EPHA2: variants seen among roughly 807,000 people sequenced by gnomAD.
EPHA2 encodes ephrin type-A receptor 2.
A neutral mutation model predicts 104.9 loss-of-function variants in EPHA2; 54 were observed. The ratio of observed to expected loss-of-function variants is 0.51; its 90% confidence interval spans 0.41 to 0.65. The LOEUF (loss-of-function observed/expected upper bound fraction) is 0.65. Among genes scored for constraint, EPHA2 ranks in the 30% least tolerant of loss-of-function variants. The probability of loss-of-function intolerance (pLI) is 0.00; values close to 1 mark genes in which losing one functional copy is unlikely to be tolerated. For missense variants in EPHA2, 1,117 were observed against 1,369.5 expected, an observed-to-expected ratio of 0.82 and a Z score of 2.91; for synonymous variants, 560 against 559.1, an observed-to-expected ratio of 1.00 and a Z score of -0.02.
rs770831664 is a variant in EPHA2, at chr1:16,132,135, C to T, written c.2254G>A (p.Val752Ile). Residue 752 changes from valine to isoleucine, a missense_variant, in exon 13 of 17, where the codon GTC becomes ATC. Physicochemically the swap from Val to Ile is conservative, Grantham distance 29. Around this residue, in one of 3 missense-constraint regions of EPHA2, gnomAD observed 340 missense variants for 480.5 expected, o/e 0.71. Coordinates refer to ENST00000358432, the MANE Select transcript of EPHA2 (RefSeq NM_004431.5). ...AGGCCAAAGTCAGACACCTTGCAGA[C>T]CAGGTTGCTGTTGACGAGGATGTTG... ...ARNILVNSNL[V>I]CKVSDFGLSR... 1.9e-6 allele frequency: 3 copies of T among 1,614,248 alleles called. No homozygotes were observed. The highest frequency in any genetic ancestry group is 1.1e-5 in the South Asian group (1 of 91,090).
At position 16,151,067 on chromosome 1, in the gene EPHA2, A is replaced by G. The variant is rs2025026082; in HGVS notation, c.86-104T>C. On this transcript the variant is annotated intron_variant, in intron 1 of 16. Coordinates refer to ENST00000358432, the MANE Select transcript of EPHA2 (RefSeq NM_004431.5). ...TCCAGGAACCCCAACTCTCAGACAG[A>G]GCGAGAGGGACCCCACCACACAGGG... The G allele has an allele frequency of 4.5e-6, 5 of 1,102,862 alleles. No individual in the cohort carries two copies. The South Asian group carries it at 5.1e-5, about 11-fold the overall frequency. 68.3% of individuals were successfully genotyped at this position (1,102,862 alleles called of 1,614,324 possible).
rs2025014814 is a variant in EPHA2, at chr1:16,150,561, C to T, written c.153+335G>A. 6.6e-6 allele frequency among the ~76,000 whole-genome samples: 1 copy of T among 152,224 alleles called. No homozygotes were observed. The highest frequency in any genetic ancestry group is 2.4e-5 in the African/African-American group (1 of 41,456). Reference sequence around the variant, plus strand: ...GGGGGCATCTTTAACCCCTTCCCTCCCAAGAGGTGGATGGGTGGTGCCAGA... The same window carrying T: ...GGGGGCATCTTTAACCCCTTCCCTCTCAAGAGGTGGATGGGTGGTGCCAGA... On this transcript the variant is annotated intron_variant, in intron 2 of 16. Transcript: ENST00000358432. The surrounding 1 kb of genome is among the most constrained non-coding windows in gnomAD (Gnocchi z 4.8).
Position 16,128,430 on chromosome 1 carries a change from C to G in EPHA2, c.2825+1004G>C, listed in dbSNP as rs989610554. Among the ~76,000 whole-genome samples, 11 of 152,184 alleles carry G rather than the reference C, an allele frequency of 7.2e-5. No individual in the cohort carries two copies. Among genetic ancestry groups the G allele is most frequent in the African/African-American group, 2.7e-4 (11 of 41,432 alleles). ...GGTTGGGAGCCCAGCTGAGCAATTT[C>G]CAAAGGCCCTAGAGAATGTTCATGA... On this transcript the variant is annotated intron_variant, in intron 16 of 16. Transcript: ENST00000358432. The surrounding 1 kb of genome is among the most constrained non-coding windows in gnomAD (Gnocchi z 4.7).
chr1:16,154,727 G>A (rs940641576), intron 1 of EPHA2, among the ~76,000 whole-genome samples: 10 of 122,190 alleles, frequency 8.2e-5, no homozygotes, highest in Admixed American at 4.5e-4. Context: ...TTGCACTCCA[G>A]TCTGGGCAAC....
rs191841935 is a variant in EPHA2 at position 16,134,673 on chromosome 1, C to T, written c.1583-106G>A. 42 of 1,245,408 alleles carry T rather than the reference C, an allele frequency of 3.4e-5. 1 individual carries two copies. In the African/African-American group the frequency reaches 5.2e-4, roughly 15 times the overall value. 77.1% of individuals were successfully genotyped at this position (1,245,408 alleles called of 1,614,324 possible). ...GCCCCTACTGTGTGCTGGGTGCTTG[C>T]ACTTGGGAAGGCTCCAGAGGGTACT... On this transcript the variant is annotated intron_variant, in intron 7 of 16. Transcript: ENST00000358432. The surrounding 1 kb of genome is among the most constrained non-coding windows in gnomAD (Gnocchi z 4.5).
chr1:16,154,230 G>C (rs2025102994), intron 1 of EPHA2, among the ~76,000 whole-genome samples: 1 of 152,156 alleles, frequency 6.6e-6, no homozygotes, highest in Non-Finnish European at 1.5e-5. Flanking sequence ...CCCCAGGAAG[G>C]GGGAGGACCA....
intron 1 of EPHA2, among the ~76,000 whole-genome samples, chr1:16,151,746 C>T (rs546465937): frequency 1.1e-4 from 16 of 152,194 alleles, no homozygotes; most frequent in Non-Finnish European, 2.4e-4. Context: ...GACCACTGCC[C>T]TGCCAGGGGT....
At chr1:16,149,513 T>A (rs1027856795) in intron 2 of EPHA2, among the ~76,000 whole-genome samples, 1 of 152,222 alleles carries the variant, frequency 6.6e-6, no homozygotes, top group African/African-American at 2.4e-5. Context: ...TGCACCCATG[T>A]GTGTTGGCAA....
intron 3 of EPHA2, among the ~76,000 whole-genome samples, chr1:16,144,337 T>C (rs2024887648): frequency 6.6e-6 from 1 of 152,094 alleles, no homozygotes. Context: ...CTGGTGGGAC[T>C]TCCCAGCAGG....
chr1:16,154,219 C>G (rs1484137731), intron 1 of EPHA2, among the ~76,000 whole-genome samples: 1 of 152,098 alleles, frequency 6.6e-6, no homozygotes, highest in African/African-American at 2.4e-5. Context: ...CAACCACAGT[C>G]CCCCAGGAAG....
At chr1:16,145,739 A>G (rs1349227793) in intron 3 of EPHA2, among the ~76,000 whole-genome samples, 4 of 152,134 alleles carry the variant, frequency 2.6e-5, no homozygotes, top group Non-Finnish European at 5.9e-5. Flanking sequence ...CAGGGCCAGG[A>G]GCTGAGTCAG....
intron 1 of EPHA2, among the ~76,000 whole-genome samples, chr1:16,154,892 T>C (rs987564892): frequency 6.6e-6 from 1 of 151,788 alleles, no homozygotes; most frequent in Non-Finnish European, 1.5e-5. Flanking sequence ...CTGTTGGAAA[T>C]TGAAGCTGGC....
chr1:16,148,260 C>T lies in EPHA2; in HGVS notation c.823+118G>A. On this transcript the variant is annotated intron_variant, in intron 3 of 16. Transcript: ENST00000358432. The surrounding 1 kb of genome is among the most constrained non-coding windows in gnomAD (Gnocchi z 4.9). ...GGGAAGGATCTATAATTTCCACTAA[C>T]AGAACTAATGTGTGTCAAAGCAGGG... is the stretch of plus-strand genomic sequence containing the variant. 1.5e-6 allele frequency: 2 copies of T among 1,294,180 alleles called. No homozygotes were observed. Among genetic ancestry groups the T allele is most frequent in the Non-Finnish European group, 2.2e-6 (2 of 904,354 alleles). The allele number at this position is 1,294,180 out of a possible 1,614,324, so 80.2% of individuals were successfully genotyped here. A position where few individuals can be genotyped will look rare whatever the true frequency, so the allele number is the denominator to read the frequency against.
rs1442168143 is a variant in EPHA2 at position 16,138,195 on chromosome 1, C to T, written c.980-10G>A. The stretch of plus-strand genomic sequence containing the variant: ...GGGGCGGAGGGGGGTCCTGCACAGA[C>T]AGGAGGAGTCAGTGCTGTGCTGGAC... On this transcript the variant is annotated splice_polypyrimidine_tract_variant and intron_variant, in intron 4 of 16. Transcript: ENST00000358432. 6.2e-7 allele frequency: 1 copy of T among 1,610,808 alleles called. No individual in the cohort carries two copies. The highest frequency in any genetic ancestry group is 2.2e-5 in the East Asian group (1 of 44,852).
chr1:16,155,775 G>T, intron 1 of EPHA2, 73 bp downstream of exon 1: 1 of 1,195,784 alleles, frequency 8.4e-7, no homozygotes, highest in South Asian at 2.1e-5. Context: ...AAAGTTGCGC[G>T]CGTCAAGGAG....
At chr1:16,132,563 A>AC (rs1570399842) in intron 11 of EPHA2, 124 bp from the exon 12 acceptor site, 1 of 1,042,750 alleles carries the variant, frequency 9.6e-7, no homozygotes, top group Admixed American at 2.0e-5. Flanking sequence ...GGAGAGGTGG[A>AC]ACAGGTGTGG....
chr1:16,136,303 AAATAAT>A (rs35523202), intron 5 of EPHA2, among the ~76,000 whole-genome samples: 198 of 140,990 alleles, frequency 1.4e-3, no homozygotes, highest in African/African-American at 2.9e-3. Context: ...ACGAGTGCAT[AAATAAT>A]AATAATAATA....
Position 16,134,590 on chromosome 1 carries a change from G to A in EPHA2, c.1583-23C>T. On this transcript the variant is annotated intron_variant, in intron 7 of 16. Coordinates refer to ENST00000358432, the MANE Select transcript of EPHA2 (RefSeq NM_004431.5). The surrounding 1 kb of genome is among the most constrained non-coding windows in gnomAD (Gnocchi z 4.5). Reference sequence around the variant, plus strand: ...GGGCTGGTGGAAGAAATCAGCTGATGACAAGGGAGTTCCCCCACAAATTAC... The same window carrying A: ...GGGCTGGTGGAAGAAATCAGCTGATAACAAGGGAGTTCCCCCACAAATTAC... 2 of 1,611,920 alleles carry A rather than the reference G, an allele frequency of 1.2e-6. No homozygotes were observed. The highest frequency in any genetic ancestry group is 1.7e-6 in the Non-Finnish European group (2 of 1,178,702).
chr1:16,143,600 A>G (rs2024868974), intron 3 of EPHA2, among the ~76,000 whole-genome samples: 1 of 152,040 alleles, frequency 6.6e-6, no homozygotes, highest in South Asian at 2.1e-4. Flanking sequence ...TCAGGGACAG[A>G]CGCCCTTATC....
Sources: gnomAD v4.1 joint callset for allele counts (sites outside exome capture counted in the v4.1 genomes callset) on GRCh38, gnomAD v4.1.1 for gene constraint, gnomAD v4.1.1 regional missense constraint, Gnocchi (gnomAD v3.1) non-coding constraint, MANE v1.5 for transcripts, NCBI Gene and HGNC (gene_info 2026-07-23, HGNC 2026-07-21) for gene names.